WASF3: variants seen among roughly 807,000 people sequenced by gnomAD.
WASF3 encodes WASP family member 3, also known as actin-binding protein WASF3.
In WASF3, 11 loss-of-function variants were observed where a neutral mutation model predicts 46.6. The ratio of observed to expected loss-of-function variants is 0.24; its 90% CI spans 0.15 to 0.39. The LOEUF (loss-of-function observed/expected upper bound fraction) is 0.39. WASF3 is among the 10% of genes least tolerant of loss of function. WASF3 has a pLI of 1.00. For missense variants in WASF3, 576 were observed against 669.8 expected (o/e 0.86, Z 1.55); for synonymous variants, 242 against 259.7 (o/e 0.93, Z 0.65).
At chr13:26,617,715 G>C (rs536053118) in intron 2 of WASF3, among the ~76,000 whole-genome samples, 1 of 152,222 alleles carries the variant, frequency 6.6e-6, no homozygotes, top group South Asian at 2.1e-4. Flanking sequence ...ACAGTGCATG[G>C]CACATTCTAT....
At chr13:26,652,457 C>T (rs1882340875) in intron 3 of WASF3, among the ~76,000 whole-genome samples, 1 of 152,122 alleles carries the variant, frequency 6.6e-6, no homozygotes, top group African/African-American at 2.4e-5. Flanking sequence ...ATTGAAAGAA[C>T]AAGTGGACAG....
intron 3 of WASF3, among the ~76,000 whole-genome samples, chr13:26,645,274 A>G (rs1882116078): frequency 6.6e-6 from 1 of 152,164 alleles, no homozygotes; most frequent in African/African-American, 2.4e-5. Context: ...ATGCCAAAGC[A>G]ATGAGGCACT....
chr13:26,667,401 A>G (rs2137471360), intron 4 of WASF3, 116 bp from the exon 5 acceptor site: 4 of 905,852 alleles, frequency 4.4e-6, no homozygotes, highest in Non-Finnish European at 6.4e-6. Context: ...TGGACAATAA[A>G]AAATATTATT....
chr13:26,685,716 G>T lies in WASF3; in HGVS notation c.1380G>T (p.Gln460His). 6.2e-7 allele frequency: 1 copy of T among 1,614,226 alleles called. No individual in the cohort carries two copies. Among genetic ancestry groups the T allele is most frequent in the Non-Finnish European group, 8.5e-7 (1 of 1,180,038 alleles). The change falls in exon 10 of 10, where the codon CAG becomes CAT. Residue 460 changes from glutamine to histidine, a missense_variant. Around this residue, in one of 3 missense-constraint regions of WASF3, gnomAD observed 68 missense variants for 100.3 expected, o/e 0.68. Transcript: ENST00000335327. ...TTCAACTGAAAAAGGTGCAGGAGCA[G>T]CGGGAGCAGGAGGCCAAGCGGGAGC... ...MGIQLKKVQE[Q>H]REQEAKREPV... is the part of the protein sequence containing the mutation.
intron 1 of WASF3, among the ~76,000 whole-genome samples, chr13:26,599,142 G>A (rs1318699454): frequency 5.3e-5 from 8 of 149,926 alleles, no homozygotes; most frequent in African/African-American, 1.5e-4. Context: ...GATTACAGGC[G>A]TCAGCCGCTG....
At chr13:26,605,390 C>T (rs1314212503) in intron 1 of WASF3, among the ~76,000 whole-genome samples, 2 of 152,188 alleles carry the variant, frequency 1.3e-5, no homozygotes, top group African/African-American at 2.4e-5. Flanking sequence ...TTCTCATGCT[C>T]ATGCTTGTGT....
At chr13:26,659,262 C>T (rs1475714182) in intron 3 of WASF3, among the ~76,000 whole-genome samples, 1 of 152,004 alleles carries the variant, frequency 6.6e-6, no homozygotes, top group Non-Finnish European at 1.5e-5. Flanking sequence ...AAGTGGTCTA[C>T]GCAGAAGGAA....
chr13:26,613,953 G>C (rs558223052), intron 2 of WASF3, among the ~76,000 whole-genome samples: 7 of 152,252 alleles, frequency 4.6e-5, no homozygotes, highest in Admixed American at 3.9e-4. Context: ...CAGACTAGTA[G>C]GGCAAGTTAT....
rs769909637 is a variant in WASF3 at position 26,578,114 on chromosome 13, C to T, written c.-109+20295C>T. Among the ~76,000 whole-genome samples, 17 of 152,212 alleles carry T rather than the reference C, an allele frequency of 1.1e-4. 1 individual carries two copies. The highest frequency in any genetic ancestry group is 6.5e-4 in the Admixed American group (10 of 15,292). ...AATCTAGATACTTTCTCCTCCTTTC[C>T]CCCCTTCTTTTCTTTCCTCCTGCCT... is the stretch of plus-strand genomic sequence containing the variant. On this transcript the variant is annotated intron_variant, in intron 1 of 9. Transcript: ENST00000335327.
chr13:26,660,308 G>A (rs1446418480), intron 3 of WASF3, among the ~76,000 whole-genome samples: 1 of 150,980 alleles, frequency 6.6e-6, no homozygotes, highest in Non-Finnish European at 1.5e-5. Context: ...TTGAGTCTGG[G>A]GAGGGAGGAA....
intron 1 of WASF3, among the ~76,000 whole-genome samples, chr13:26,607,740 ATCC>A (rs1427032991): frequency 6.6e-6 from 1 of 151,866 alleles, no homozygotes; most frequent in Non-Finnish European, 1.5e-5. Flanking sequence ...GGCTCAGGTG[ATCC>A]TCCTGCTTCA....
At chr13:26,671,492 G>C (rs2137482229) in intron 5 of WASF3, among the ~76,000 whole-genome samples, 1 of 152,214 alleles carries the variant, frequency 6.6e-6, no homozygotes, top group Admixed American at 6.5e-5. Flanking sequence ...AAGTGAATGT[G>C]TTCTTAGTAA....
intron 2 of WASF3, among the ~76,000 whole-genome samples, chr13:26,627,327 G>A (rs117080822): frequency 0.029 from 4,372 of 152,096 alleles, 92 homozygotes; most frequent in South Asian, 0.047. Flanking sequence ...CAGGGAAGGT[G>A]TAACTAGTAT....
intron 1 of WASF3, among the ~76,000 whole-genome samples, chr13:26,572,067 A>G (rs1879652916): frequency 6.6e-6 from 1 of 152,060 alleles, no homozygotes; most frequent in African/African-American, 2.4e-5. Context: ...TAATTCTTTA[A>G]TTGTTTGAGT....
chr13:26,638,029 C>T (rs1409236826), intron 2 of WASF3: 1 of 152,326 alleles, frequency 6.6e-6, no homozygotes, highest in Non-Finnish European at 1.5e-5. Flanking sequence ...CAAACCTGAC[C>T]CTTGCAGTGG....
intron 1 of WASF3, among the ~76,000 whole-genome samples, chr13:26,581,595 T>C (rs1566041382): frequency 6.6e-6 from 1 of 152,146 alleles, no homozygotes; most frequent in Non-Finnish European, 1.5e-5. Flanking sequence ...GTGTTTTGAT[T>C]AAAGTTTTAT....
chr13:26,657,789 G>A (rs1292183658), intron 3 of WASF3, among the ~76,000 whole-genome samples: 1 of 152,200 alleles, frequency 6.6e-6, no homozygotes, highest in Non-Finnish European at 1.5e-5. Context: ...ATCATTTGCT[G>A]TTTGCAAAAC....
Position 26,651,156 on chromosome 13 carries a change from T to C in WASF3, c.133+8753T>C, listed in dbSNP as rs528242376. Among the ~76,000 whole-genome samples, 46 of 152,084 alleles carry C rather than the reference T, an allele frequency of 3.0e-4. 1 individual carries two copies. Among genetic ancestry groups the C allele is most frequent in the Non-Finnish European group, 4.7e-4 (32 of 68,016 alleles). ...CGCCAACATGATGAAACCCCAACTCTACTAAAAATACAAAAATTAGGCTGG... is the reference window on the plus strand; with the variant it reads ...CGCCAACATGATGAAACCCCAACTCCACTAAAAATACAAAAATTAGGCTGG... On this transcript the variant is annotated intron_variant, in intron 3 of 9. Transcript: ENST00000335327.
At chr13:26,629,322 T>C (rs1373743943) in intron 2 of WASF3, among the ~76,000 whole-genome samples, 1 of 152,212 alleles carries the variant, frequency 6.6e-6, no homozygotes, top group East Asian at 1.9e-4. Flanking sequence ...CAGATCTCCT[T>C]GTTCCTCATC....
Sources: gnomAD v4.1 joint callset for allele counts (sites outside exome capture counted in the v4.1 genomes callset) on GRCh38, gnomAD v4.1.1 for gene constraint, gnomAD v4.1.1 regional missense constraint, MANE v1.5 for transcripts, NCBI Gene and HGNC (gene_info 2026-07-23, HGNC 2026-07-21) for gene names.